Variants in GRM5 observed in about 807,000 individuals in gnomAD.
The protein encoded by GRM5 is metabotropic glutamate receptor 5.
In GRM5, 19 loss-of-function variants were observed where a neutral mutation model predicts 83.1. The observed-to-expected ratio is 0.23, with a 90% CI of 0.16 to 0.34. The LOEUF (loss-of-function observed/expected upper bound fraction) is 0.34. Among genes scored for constraint, GRM5 ranks in the 10% least tolerant of loss-of-function variants. The probability of loss-of-function intolerance (pLI) is 1.00; values close to 1 mark genes in which losing one functional copy is unlikely to be tolerated. For missense variants in GRM5, 1,160 were observed against 1,588.3 expected, an observed-to-expected ratio of 0.73 and a Z score of 4.58; for synonymous variants, 675 against 633.6, an observed-to-expected ratio of 1.07 and a Z score of -0.98.
chr11:88,937,255 T>C (rs16915130), intron 2 of GRM5, among the ~76,000 whole-genome samples: 16,405 of 151,726 alleles, frequency 0.11, 1,388 homozygotes, highest in African/African-American at 0.21. Flanking sequence ...CTGGCGTTTA[T>C]GGTACTTAAA....
intron 3 of GRM5, among the ~76,000 whole-genome samples, chr11:88,816,036 AC>A (rs1943672034): frequency 7.3e-6 from 1 of 136,560 alleles, no homozygotes; most frequent in Admixed American, 7.2e-5. Context: ...ACAAGGTGAA[AC>A]CCCGTCTCTA....
intron 2 of GRM5, among the ~76,000 whole-genome samples, chr11:88,992,015 G>A (rs917466880): frequency 1.0e-3 from 155 of 152,208 alleles, no homozygotes; most frequent in African/African-American, 3.4e-3. Flanking sequence ...TGACAAATGG[G>A]ATCTAATTAA....
At chr11:88,644,576 G>C (rs1939389320) in intron 4 of GRM5, among the ~76,000 whole-genome samples, 1 of 152,154 alleles carries the variant, frequency 6.6e-6, no homozygotes, top group African/African-American at 2.4e-5. Context: ...AGTTACTTCA[G>C]CATCTGTGGA....
intron 2 of GRM5, among the ~76,000 whole-genome samples, chr11:88,871,447 A>G (rs2135561884): frequency 6.6e-6 from 1 of 151,730 alleles, no homozygotes; most frequent in South Asian, 2.1e-4. Context: ...TATAGTGTTA[A>G]ATGCCATAAT....
intron 3 of GRM5, among the ~76,000 whole-genome samples, chr11:88,817,292 T>C (rs11021447): frequency 0.025 from 3,877 of 152,202 alleles, 173 homozygotes; most frequent in African/African-American, 0.089. Context: ...CATAAAATGC[T>C]CTTTTGATTT....
At chr11:88,523,171 T>A (rs144165890) in intron 9 of GRM5, among the ~76,000 whole-genome samples, 1 of 152,230 alleles carries the variant, frequency 6.6e-6, no homozygotes, top group African/African-American at 2.4e-5. Flanking sequence ...TGTCATCTCC[T>A]ACATGAATGG....
At chr11:88,767,767 A>C (rs778128810) in intron 3 of GRM5, among the ~76,000 whole-genome samples, 1 of 151,794 alleles carries the variant, frequency 6.6e-6, no homozygotes, top group Non-Finnish European at 1.5e-5. Context: ...TGTGCACCAA[A>C]TCCCTGTAAG....
intron 2 of GRM5, among the ~76,000 whole-genome samples, chr11:88,955,726 C>A (rs1480007770): frequency 2.0e-5 from 3 of 152,114 alleles, no homozygotes; most frequent in Non-Finnish European, 2.9e-5. Flanking sequence ...ACTTGTCCAC[C>A]TACTAAACCT....
At chr11:88,861,898 C>G (rs1226209376) in intron 2 of GRM5, among the ~76,000 whole-genome samples, 3 of 152,150 alleles carry the variant, frequency 2.0e-5, no homozygotes, top group Admixed American at 6.5e-5. Flanking sequence ...CCATAAAAGA[C>G]TGTGAGACAG....
chr11:88,672,011 T>A (rs1440018448), intron 3 of GRM5, among the ~76,000 whole-genome samples: 2 of 152,042 alleles, frequency 1.3e-5, no homozygotes, highest in African/African-American at 2.4e-5. Context: ...TAATGCTGAC[T>A]TGTAAAATTT....
At chr11:89,034,152 G>T (rs1408054391) in intron 2 of GRM5, among the ~76,000 whole-genome samples, 7 of 151,524 alleles carry the variant, frequency 4.6e-5, no homozygotes. Flanking sequence ...GTTTAAAGTT[G>T]TATGCTATAT....
intron 3 of GRM5, among the ~76,000 whole-genome samples, chr11:88,839,272 T>C (rs1428407105): frequency 2.0e-5 from 3 of 152,180 alleles, no homozygotes; most frequent in Admixed American, 6.5e-5. Context: ...TGTCTGAAGA[T>C]CATAAAGCCC....
intron 3 of GRM5, among the ~76,000 whole-genome samples, chr11:88,728,810 G>A (rs953504162): frequency 1.1e-4 from 17 of 152,076 alleles, no homozygotes; most frequent in African/African-American, 3.4e-4. Context: ...AAAGGCCTTC[G>A]ATAAAATTCA....
At chr11:88,865,448 A>G (rs1015840728) in intron 2 of GRM5, among the ~76,000 whole-genome samples, 76 of 152,310 alleles carry the variant, frequency 5.0e-4, no homozygotes, top group Non-Finnish European at 1.0e-3. Flanking sequence ...ACCTAAAACC[A>G]TAAAAACTCT....
intron 2 of GRM5, among the ~76,000 whole-genome samples, chr11:89,006,785 TTTG>T (rs1278061799): frequency 6.6e-6 from 1 of 151,998 alleles, no homozygotes; most frequent in Non-Finnish European, 1.5e-5. Flanking sequence ...TCTTTTTTGT[TTTG>T]TTTTGTTTTG....
chr11:88,619,697 G>T (rs1429828288), intron 4 of GRM5, among the ~76,000 whole-genome samples: 1 of 152,086 alleles, frequency 6.6e-6, no homozygotes, highest in Non-Finnish European at 1.5e-5. Context: ...ACAAGCAGCA[G>T]TTTATTTTTA....
At chr11:88,900,458 A>G (rs1461474132) in intron 2 of GRM5, among the ~76,000 whole-genome samples, 1 of 152,158 alleles carries the variant, frequency 6.6e-6, no homozygotes, top group Non-Finnish European at 1.5e-5. Flanking sequence ...ATTTTAACAG[A>G]TACAAAAGCA....
At chr11:89,048,699 G>A (rs1306664837) in intron 1 of GRM5, among the ~76,000 whole-genome samples, 1 of 152,146 alleles carries the variant, frequency 6.6e-6, no homozygotes, top group Non-Finnish European at 1.5e-5. Context: ...AGAAAGGTGG[G>A]TGTTTCATGT....
At chr11:89,038,332 C>T (rs894039412) in intron 2 of GRM5, among the ~76,000 whole-genome samples, 6 of 152,110 alleles carry the variant, frequency 3.9e-5, no homozygotes, top group African/African-American at 1.2e-4. Flanking sequence ...GCAAATGTGC[C>T]AAAATGAGAT....
Sources: gnomAD v4.1 joint callset for allele counts (sites outside exome capture counted in the v4.1 genomes callset) on GRCh38, gnomAD v4.1.1 for gene constraint, MANE v1.5 for transcripts, NCBI Gene and HGNC (gene_info 2026-07-23, HGNC 2026-07-21) for gene names.